Variants in SLC15A1 observed in about 807,000 individuals in gnomAD.
The protein encoded by SLC15A1 is solute carrier family 15 member 1, also known as Caco-2 oligopeptide transporter.
In SLC15A1, 83 loss-of-function variants were observed where a neutral mutation model predicts 92.9. That is an observed-to-expected ratio of 0.89 (90% CI 0.75 to 1.07). The LOEUF is 1.07. Ranked by LOEUF, SLC15A1 falls within the 50% of genes least tolerant of loss-of-function variation. The pLI, the probability that SLC15A1 is intolerant of heterozygous loss-of-function variation, is 0.00. For synonymous variants in SLC15A1, 322 were observed against 318.2 expected, an observed-to-expected ratio of 1.01 and a Z score of -0.13; for missense variants, 857 against 880.1, an observed-to-expected ratio of 0.97 and a Z score of 0.33.
At chr13:98,752,504 A>C (rs1594016575) in intron 1 of SLC15A1, 91 bp downstream of exon 1, 1 of 1,167,712 alleles carries the variant, frequency 8.6e-7, no homozygotes, top group Non-Finnish European at 1.1e-6. Context: ...GCCGCCGCGT[A>C]CCCTTCGCGC....
intron 1 of SLC15A1, among the ~76,000 whole-genome samples, chr13:98,751,249 C>T (rs1305056477): frequency 6.6e-6 from 1 of 152,110 alleles, no homozygotes; most frequent in African/African-American, 2.4e-5. Context: ...ACAGAGAGGA[C>T]CAGTTGCAGA....
At position 98,706,113 on chromosome 13, in the gene SLC15A1, C is replaced by T. The variant is rs775823801; in HGVS notation, c.1269+21G>A. On this transcript the variant is annotated intron_variant, in intron 16 of 22. Transcript: ENST00000376503. ...CAGGGTCAGAAGATGAAAAAGAAGG[C>T]AGCAATTTCCTTCTACTTACTTGAG... 4.4e-6 allele frequency: 7 copies of T among 1,595,528 alleles called. No individual in the cohort carries two copies. In the South Asian group the frequency reaches 8.0e-5, roughly 18 times the overall value.
rs1223667310 is a variant in SLC15A1, at chr13:98,726,712, A to G, written c.21+131T>C. Reference sequence around the variant, plus strand: ...ATTTCCTCAGGAGAGGACATCTCACATGGAAATCCGGGATCATACCCTCAC... The same window carrying G: ...ATTTCCTCAGGAGAGGACATCTCACGTGGAAATCCGGGATCATACCCTCAC... On this transcript the variant is annotated intron_variant, in intron 2 of 22. Transcript: ENST00000376503. The G allele has an allele frequency of 9.6e-6, 9 of 940,124 alleles. No individual in the cohort carries two copies. In the African/African-American group the frequency reaches 1.1e-4, roughly 12 times the overall value. 58.2% of individuals were successfully genotyped at this position (940,124 alleles called of 1,614,324 possible). A position where few individuals can be genotyped will look rare whatever the true frequency, so the allele number is the denominator to read the frequency against.
chr13:98,751,281 G>C (rs1291303061), intron 1 of SLC15A1, among the ~76,000 whole-genome samples: 1 of 152,156 alleles, frequency 6.6e-6, no homozygotes, highest in Non-Finnish European at 1.5e-5. Flanking sequence ...CAATTCATTT[G>C]GAAAGGAGGC....
intron 1 of SLC15A1, among the ~76,000 whole-genome samples, chr13:98,748,562 T>C (rs1383200344): frequency 2.9e-4 from 44 of 152,172 alleles, no homozygotes; most frequent in Admixed American, 2.9e-3. Context: ...CTCCAAACGC[T>C]GAGATTACAG....
chr13:98,746,515 G>A (rs1044208629), intron 1 of SLC15A1, among the ~76,000 whole-genome samples: 11 of 152,054 alleles, frequency 7.2e-5, no homozygotes, highest in Non-Finnish European at 1.3e-4. Context: ...AAGGTGTTTT[G>A]ATTTAATGGA....
chr13:98,745,596 G>A (rs899449818), intron 1 of SLC15A1, among the ~76,000 whole-genome samples: 2 of 152,110 alleles, frequency 1.3e-5, no homozygotes, highest in African/African-American at 4.8e-5. Flanking sequence ...GCAGGGGTGT[G>A]TCCGCAAGCC....
At chr13:98,722,962 C>T (rs2088271545) in intron 5 of SLC15A1, among the ~76,000 whole-genome samples, 1 of 152,242 alleles carries the variant, frequency 6.6e-6, no homozygotes, top group Non-Finnish European at 1.5e-5. Flanking sequence ...TAACCCACAA[C>T]AGTCCTACAC....
chr13:98,743,191 G>A (rs865940632), intron 1 of SLC15A1, among the ~76,000 whole-genome samples: 3 of 152,184 alleles, frequency 2.0e-5, no homozygotes, highest in East Asian at 3.8e-4. Flanking sequence ...ATAAGGTCAC[G>A]CTCCAAGGTA....
intron 17 of SLC15A1, among the ~76,000 whole-genome samples, chr13:98,703,297 T>C (rs375240747): frequency 2.6e-5 from 4 of 152,112 alleles, no homozygotes; most frequent in Admixed American, 2.0e-4. Context: ...GCCTTGATTT[T>C]CTTTAAAGCT....
chr13:98,711,907 C>T lies in SLC15A1; in HGVS notation c.847G>A (p.Val283Met). ...LISQIKMVTR[V>M]MFLYIPLPMF... ...GGGAGTGGAATATACAGGAACATCACCCTCGTAACCATCTTAATTTGGGAG... is the reference window on the plus strand; with the variant it reads ...GGGAGTGGAATATACAGGAACATCATCCTCGTAACCATCTTAATTTGGGAG... The change falls in exon 11 of 23, where the codon GTG becomes ATG. Residue 283 changes from valine (V) to methionine (M), a missense_variant. Transcript: ENST00000376503. The T allele has an allele frequency of 6.2e-7, 1 of 1,613,334 alleles. No homozygotes were observed. The highest frequency in any genetic ancestry group is 8.5e-7 in the Non-Finnish European group (1 of 1,179,958).
intron 4 of SLC15A1, among the ~76,000 whole-genome samples, chr13:98,725,828 G>A (rs546619691): frequency 3.3e-5 from 5 of 152,162 alleles, no homozygotes; most frequent in Admixed American, 2.6e-4. Flanking sequence ...GGGCTCAAGC[G>A]GATCCTCCCA....
intron 8 of SLC15A1, among the ~76,000 whole-genome samples, chr13:98,718,278 C>A (rs1361691336): frequency 1.4e-5 from 2 of 143,630 alleles, no homozygotes; most frequent in East Asian, 4.5e-4. Context: ...TCAGCTAATC[C>A]AGCAGATTCT....
chr13:98,689,248 T>C (rs1344622800), intron 18 of SLC15A1, among the ~76,000 whole-genome samples: 1 of 152,078 alleles, frequency 6.6e-6, no homozygotes, highest in African/African-American at 2.4e-5. Context: ...CCAGAAACTT[T>C]AGCGCTCAAG....
intron 11 of SLC15A1, 110 bp from the exon 12 acceptor site, chr13:98,710,021 G>T (rs2088148601): frequency 2.9e-6 from 3 of 1,017,234 alleles, no homozygotes; most frequent in Non-Finnish European, 4.6e-6. Context: ...CATGTTATGG[G>T]ATTTAAAGTT....
chr13:98,732,909 G>T (rs1160050905), intron 1 of SLC15A1, among the ~76,000 whole-genome samples: 1 of 152,200 alleles, frequency 6.6e-6, no homozygotes, highest in Non-Finnish European at 1.5e-5. Flanking sequence ...GGGATTCAGG[G>T]ATACGTTCCC....
At chr13:98,719,806 A>G (rs2088240589) in intron 7 of SLC15A1, among the ~76,000 whole-genome samples, 1 of 152,188 alleles carries the variant, frequency 6.6e-6, no homozygotes, top group African/African-American at 2.4e-5. Context: ...GTCTCTGTCA[A>G]CTACTTAACC....
chr13:98,728,290 G>C (rs2088319104), intron 1 of SLC15A1, among the ~76,000 whole-genome samples: 1 of 152,068 alleles, frequency 6.6e-6, no homozygotes, highest in South Asian at 2.1e-4. Flanking sequence ...TGGTACCTCT[G>C]GCCCTATTCT....
Position 98,721,546 on chromosome 13 carries a change from C to T in SLC15A1, c.505G>A (p.Ala169Thr), listed in dbSNP as rs751242911. ...RNRFFSIFYL[A>T]INAGSLLSTI... ...GAAAGCAAACTTCCAGCATTAATAG[C>T]CAAGTAAAAGATGGAAAAAAATCTG... Residue 169 changes from alanine (A) to threonine (T), a missense_variant, in exon 7 of 23, where the codon GCT (alanine) becomes ACT (threonine). Physicochemically the swap from Ala to Thr is moderately conservative, Grantham distance 58 (BLOSUM62 0). Coordinates refer to ENST00000376503, the MANE Select transcript of SLC15A1 (RefSeq NM_005073.4). 1 of 1,609,406 alleles carries T rather than the reference C, an allele frequency of 6.2e-7. No individual in the cohort carries two copies. The highest frequency in any genetic ancestry group is 1.7e-5 in the Admixed American group (1 of 59,368).
Sources: gnomAD v4.1 joint callset for allele counts (sites outside exome capture counted in the v4.1 genomes callset) on GRCh38, gnomAD v4.1.1 for gene constraint, MANE v1.5 for transcripts, NCBI Gene and HGNC (gene_info 2026-07-23, HGNC 2026-07-21) for gene names.